Variants in CALN1 observed in about 807,000 individuals in gnomAD.
The protein encoded by CALN1 is calcium-binding protein 8.
In CALN1, 17 loss-of-function variants were observed where a neutral mutation model predicts 30.6. The ratio of observed to expected loss-of-function variants is 0.56; its 90% CI spans 0.38 to 0.83. The LOEUF (loss-of-function observed/expected upper bound fraction) is 0.83, where lower values mean the gene tolerates loss of function less well. CALN1 is among the 40% of genes least tolerant of loss of function. The pLI, the probability that CALN1 is intolerant of heterozygous loss-of-function variation, is 0.00. For missense variants in CALN1, 291 were observed against 354.9 expected (o/e 0.82, Z 1.45); for synonymous variants, 156 against 131.4 (o/e 1.19, Z -1.28).
At chr7:72,232,917 CCTT>C (rs946416358) in intron 3 of CALN1, among the ~76,000 whole-genome samples, 4 of 151,896 alleles carry the variant, frequency 2.6e-5, no homozygotes, top group African/African-American at 7.3e-5. Flanking sequence ...GACAGTGACA[CCTT>C]CTTCTTCATA....
At chr7:72,220,410 T>C (rs575335048) in intron 3 of CALN1, among the ~76,000 whole-genome samples, 1 of 152,100 alleles carries the variant, frequency 6.6e-6, no homozygotes, top group Non-Finnish European at 1.5e-5. Context: ...CCATGGTGTA[T>C]ATGTGCCACA....
chr7:71,867,434 T>C (rs1791652798), intron 5 of CALN1, among the ~76,000 whole-genome samples: 1 of 143,892 alleles, frequency 6.9e-6, no homozygotes, highest in African/African-American at 2.9e-5. Context: ...TTTTTACTTA[T>C]TTATTTATTT....
At chr7:71,964,940 T>C (rs1306348752) in intron 5 of CALN1, among the ~76,000 whole-genome samples, 3 of 152,204 alleles carry the variant, frequency 2.0e-5, no homozygotes, top group Non-Finnish European at 4.4e-5. Context: ...AATCAGCACC[T>C]TAAAAACACT....
intron 4 of CALN1, among the ~76,000 whole-genome samples, chr7:72,052,613 C>T (rs1037082113): frequency 3.3e-5 from 5 of 152,150 alleles, no homozygotes; most frequent in East Asian, 3.9e-4. Flanking sequence ...GTCAGGTGAA[C>T]ATGAAAACCA....
chr7:72,479,677 G>C, the CALN1 span, among the ~76,000 whole-genome samples: 3 of 151,032 alleles, frequency 2.0e-5, no homozygotes, highest in Non-Finnish European at 4.4e-5. Flanking sequence ...TCAGCCTCCT[G>C]AGTAGCTAGG....
chr7:72,153,499 C>T (rs951874420), intron 3 of CALN1, among the ~76,000 whole-genome samples: 6 of 148,384 alleles, frequency 4.0e-5, no homozygotes, highest in Admixed American at 2.1e-4. Context: ...GGTAATATAA[C>T]GAGACCTTGT....
At chr7:72,336,921 G>A in intron 2 of CALN1, 2 of 985,140 alleles carry the variant, frequency 2.0e-6, no homozygotes, top group Non-Finnish European at 1.2e-6. Flanking sequence ...CGCTCCCCAC[G>A]CGCGCGCCGG....
intron 4 of CALN1, among the ~76,000 whole-genome samples, chr7:72,024,822 G>T (rs142915735): frequency 6.6e-6 from 1 of 152,220 alleles, no homozygotes; most frequent in African/African-American, 2.4e-5. Context: ...ACACCTCTGC[G>T]TGCATGTGTA....
At chr7:71,928,706 A>T (rs1292907365) in intron 5 of CALN1, among the ~76,000 whole-genome samples, 3 of 152,086 alleles carry the variant, frequency 2.0e-5, no homozygotes, top group African/African-American at 7.2e-5. Context: ...AGATTCTACA[A>T]CTGATCTTAG....
At chr7:72,373,059 T>C (rs1003049178) in intron 2 of CALN1, among the ~76,000 whole-genome samples, 3 of 152,152 alleles carry the variant, frequency 2.0e-5, no homozygotes, top group African/African-American at 7.2e-5. Flanking sequence ...AAGTAGAAGA[T>C]ACGAAGAATG....
the CALN1 span, among the ~76,000 whole-genome samples, chr7:72,482,938 T>G: frequency 1.3e-5 from 2 of 152,202 alleles, no homozygotes; most frequent in Non-Finnish European, 2.9e-5. Flanking sequence ...CAAAGAACTC[T>G]TTCTTTCACT....
intron 3 of CALN1, among the ~76,000 whole-genome samples, chr7:72,257,423 T>G (rs1186804664): frequency 2.6e-5 from 4 of 151,516 alleles, no homozygotes. Flanking sequence ...GCCACCTTAC[T>G]CTTGTAAGAA....
intron 4 of CALN1, among the ~76,000 whole-genome samples, chr7:72,101,434 G>T (rs1046951378): frequency 4.6e-5 from 7 of 152,170 alleles, no homozygotes; most frequent in African/African-American, 1.4e-4. Flanking sequence ...CTTTGCTCCA[G>T]CTTTTCAGAA....
chr7:71,870,639 T>A (rs1791869115), intron 5 of CALN1, among the ~76,000 whole-genome samples: 1 of 152,202 alleles, frequency 6.6e-6, no homozygotes. Flanking sequence ...GAGTCTCTGT[T>A]ACTTTTATAA....
the CALN1 span, among the ~76,000 whole-genome samples, chr7:72,503,975 C>A: frequency 1.3e-5 from 2 of 152,062 alleles, no homozygotes; most frequent in Admixed American, 1.3e-4. Flanking sequence ...AGAGCTGTAG[C>A]AACAAATCAC....
chr7:72,292,013 A>AG (rs977740363), intron 2 of CALN1, among the ~76,000 whole-genome samples: 44 of 151,886 alleles, frequency 2.9e-4, no homozygotes, highest in East Asian at 7.8e-4. Flanking sequence ...AAAAAAAAAA[A>AG]AAGAATTTCA....
At chr7:72,451,209 A>AAGAAGG (rs747175718), upstream of CALN1, among the ~76,000 whole-genome samples, 441 of 126,050 alleles carry the variant, frequency 3.5e-3, 8 homozygotes, top group African/African-American at 0.015. Context: ...GAAGAAGAAG[A>AAGAAGG]AGGAGGAGGA....
intron 3 of CALN1, among the ~76,000 whole-genome samples, chr7:72,126,276 G>A (rs1055033443): frequency 5.9e-5 from 9 of 151,936 alleles, no homozygotes; most frequent in African/African-American, 2.2e-4. Flanking sequence ...TTATTCCATG[G>A]TGTATACATA....
At chr7:72,090,281 G>A (rs1805766607) in intron 4 of CALN1, among the ~76,000 whole-genome samples, 1 of 152,168 alleles carries the variant, frequency 6.6e-6, no homozygotes. Context: ...CAGCCTGGGT[G>A]ACAGAGCTCC....
Sources: allele counts gnomAD v4.1 joint callset (sites outside exome capture counted in the v4.1 genomes callset), GRCh38; gene constraint gnomAD v4.1.1; transcripts MANE v1.5; gene names NCBI Gene and HGNC (gene_info 2026-07-23, HGNC 2026-07-21).